CCND3: variants seen among roughly 807,000 people sequenced by gnomAD.
The protein encoded by CCND3 is cyclin D3, also known as G1/S-specific cyclin-D3.
Under a neutral mutation model 28.7 loss-of-function variants are expected in CCND3, and 9 were observed. That is an observed-to-expected ratio of 0.31 (90% CI 0.19 to 0.55). The LOEUF (loss-of-function observed/expected upper bound fraction) is 0.55. Ranked by LOEUF, CCND3 falls within the 20% of genes least tolerant of loss-of-function variation. The pLI, the probability that CCND3 is intolerant of heterozygous loss-of-function variation, is 0.93. For missense variants in CCND3, 315 were observed against 385.8 expected (o/e 0.82, Z 1.54); for synonymous variants, 164 against 163.9 (o/e 1.00, Z 0.00).
chr6:42,047,014 C>T (rs1312834535), intron 1 of CCND3, among the ~76,000 whole-genome samples: 1 of 152,176 alleles, frequency 6.6e-6, no homozygotes, highest in Non-Finnish European at 1.5e-5. Flanking sequence ...TGGAGAGAAT[C>T]CTAATGCCTA....
At chr6:42,012,654 G>A (rs993430869) in intron 1 of CCND3, among the ~76,000 whole-genome samples, 19 of 152,068 alleles carry the variant, frequency 1.2e-4, no homozygotes, top group Non-Finnish European at 2.4e-4. Flanking sequence ...GAGAACTTGT[G>A]ATTTCTACAT....
chr6:41,936,352 G>C lies in CCND3; in HGVS notation c.711+207C>G, dbSNP rs1775794495. The C allele has an allele frequency of 1.5e-6, 1 of 678,532 alleles. No individual in the cohort carries two copies. Among genetic ancestry groups the C allele is most frequent in the Non-Finnish European group, 2.4e-6 (1 of 412,322 alleles). The allele number at this position is 678,532 out of a possible 1,614,324, so 42.0% of individuals were successfully genotyped here. Reference sequence around the variant, plus strand: ...TCCAGCACACCACTTGGCAAGAAAAGAACCCCTAGGGCCAGTGCCCTTCAC... The same window carrying C: ...TCCAGCACACCACTTGGCAAGAAAACAACCCCTAGGGCCAGTGCCCTTCAC... On this transcript the variant is annotated intron_variant, in intron 4 of 4. Transcript: ENST00000372991. This position sits in a 1 kb window ranked among gnomAD's most constrained non-coding sequence, Gnocchi z 4.4.
At position 42,040,656 on chromosome 6, in the gene CCND3, A is replaced by G. The variant is rs371557105; in HGVS notation, c.-46+7845T>C. 6.7e-3 allele frequency among the ~76,000 whole-genome samples: 1,024 copies of G among 152,212 alleles called. 13 individuals are homozygous for G. The highest frequency in any genetic ancestry group is 0.023 in the African/African-American group (961 of 41,534). ...ATCACAAGGTCAGGAGTTCCAGACCAGACTGGCCAACATGGTGAAACCCAG... is the reference window on the plus strand; with the variant it reads ...ATCACAAGGTCAGGAGTTCCAGACCGGACTGGCCAACATGGTGAAACCCAG... On this transcript the variant is annotated intron_variant, in intron 1 of 4. Transcript: ENST00000372988.
intron 1 of CCND3, among the ~76,000 whole-genome samples, chr6:41,987,143 C>T (rs192783685): frequency 6.6e-6 from 1 of 151,982 alleles, no homozygotes; most frequent in Non-Finnish European, 1.5e-5. Flanking sequence ...TCTATTTTTA[C>T]AGTAGGAAGA....
chr6:41,960,620 T>C (rs1048235313), intron 1 of CCND3, among the ~76,000 whole-genome samples: 2 of 152,120 alleles, frequency 1.3e-5, no homozygotes, highest in African/African-American at 4.8e-5. Context: ...TCAGAGGGCA[T>C]GAAAAGTGCA....
intron 1 of CCND3, among the ~76,000 whole-genome samples, chr6:42,042,196 G>A (rs927164773): frequency 2.0e-5 from 3 of 152,194 alleles, no homozygotes; most frequent in Non-Finnish European, 4.4e-5. Context: ...TTTGGATCTA[G>A]ATGGCCCCAT....
chr6:41,964,500 G>A (rs769951869), intron 1 of CCND3, among the ~76,000 whole-genome samples: 8 of 71,316 alleles, frequency 1.1e-4, no homozygotes, highest in African/African-American at 1.6e-4. Flanking sequence ...GTGTGTGTGA[G>A]TGTGTGTGTG....
At chr6:42,029,250 T>C (rs937514639) in intron 1 of CCND3, among the ~76,000 whole-genome samples, 2 of 151,998 alleles carry the variant, frequency 1.3e-5, no homozygotes, top group African/African-American at 2.4e-5. Flanking sequence ...CTTTGCCTCC[T>C]AAAGTGTTGG....
chr6:42,034,625 G>A (rs962545253), intron 1 of CCND3, among the ~76,000 whole-genome samples: 7 of 151,530 alleles, frequency 4.6e-5, no homozygotes, highest in South Asian at 2.1e-4. Context: ...CTACAGGCTC[G>A]TGCCACCATG....
At position 42,027,609 on chromosome 6, in the gene CCND3, A is replaced by T. The variant is rs190868044; in HGVS notation, c.-46+20892T>A. 1.1e-3 allele frequency among the ~76,000 whole-genome samples: 162 copies of T among 152,086 alleles called. 1 individual carries two copies. The highest frequency in any genetic ancestry group is 3.6e-3 in the African/African-American group (148 of 41,490). ...AAACCACTGTACTCAGGCCAACCCAACCCATGGGGAAGGTGGTAAGGAGGG... is the reference window on the plus strand; with the variant it reads ...AAACCACTGTACTCAGGCCAACCCATCCCATGGGGAAGGTGGTAAGGAGGG... On this transcript the variant is annotated intron_variant, in intron 1 of 4. Coordinates refer to the CCND3 transcript ENST00000372988.
At chr6:41,971,357 A>G (rs1362431521) in intron 1 of CCND3, among the ~76,000 whole-genome samples, 1 of 152,122 alleles carries the variant, frequency 6.6e-6, no homozygotes, top group African/African-American at 2.4e-5. Flanking sequence ...TCCTGGGCTC[A>G]AGTGATCCTC....
At position 41,936,646 on chromosome 6, in the gene CCND3, A is replaced by G; in HGVS notation, c.624T>C (p.Ile208=). The change falls in exon 4 of 5, where the codon ATT becomes ATC. Residue 208 remains isoleucine, a synonymous_variant. Transcript: ENST00000372991. The surrounding 1 kb of genome is among the most constrained non-coding windows in gnomAD (Gnocchi z 4.4). ...YPPSMIATGS[I]GAAVQGLGAC... Reference sequence around the variant, plus strand: ...CACCCAGGCCTTGCACTGCAGCCCCAATGCTGCCCGTGGCGATCATGGATG... The same window carrying G: ...CACCCAGGCCTTGCACTGCAGCCCCGATGCTGCCCGTGGCGATCATGGATG... 6.2e-7 allele frequency: 1 copy of G among 1,614,106 alleles called. No individual in the cohort carries two copies.
chr6:41,979,635 CTCTCTCTCTA>C (rs1324490710), intron 1 of CCND3, among the ~76,000 whole-genome samples: 3 of 34,626 alleles, frequency 8.7e-5, no homozygotes, highest in African/African-American at 8.2e-5. Context: ...CTCTCTCTCT[CTCTCTCTCTA>C]TATATATATA....
chr6:41,935,619 G>GC lies in CCND3; in HGVS notation c.*320_*321insG, dbSNP rs1044621490. On this transcript the variant is annotated 3_prime_UTR_variant, in exon 5 of 5. Coordinates refer to ENST00000372991, the MANE Select transcript of CCND3 (RefSeq NM_001760.5). The stretch of plus-strand genomic sequence containing the variant: ...GAAAACATGAGAGCCCCCAGGGGTG[G>GC]GGGGGGGCGTTCAAAAGGAATGCTG... 10 of 470,278 alleles carry GC rather than the reference G, an allele frequency of 2.1e-5. No homozygotes were observed. The highest frequency in any genetic ancestry group is 4.8e-5 in the South Asian group (1 of 20,630). The allele number at this position is 470,278 out of a possible 1,614,324, so 29.1% of individuals were successfully genotyped here. A position where few individuals can be genotyped will look rare whatever the true frequency, so the allele number is the denominator to read the frequency against.
chr6:41,951,567 C>CAAA (rs1330384836), intron 1 of CCND3, among the ~76,000 whole-genome samples: 22 of 57,478 alleles, frequency 3.8e-4, no homozygotes, highest in African/African-American at 1.1e-3. Context: ...CACACACACA[C>CAAA]ACACACACAA....
chr6:41,947,251 C>G (rs1582095921), intron 1 of CCND3, among the ~76,000 whole-genome samples: 1 of 151,910 alleles, frequency 6.6e-6, no homozygotes, highest in African/African-American at 2.4e-5. Flanking sequence ...AAAGAAACAG[C>G]CTGGATGGGC....
chr6:41,969,832 A>G (rs1389859686), intron 1 of CCND3, among the ~76,000 whole-genome samples: 3 of 152,178 alleles, frequency 2.0e-5, no homozygotes, highest in African/African-American at 7.2e-5. Context: ...CTTAAATCAC[A>G]GATCTACCAC....
chr6:42,010,969 C>T (rs1329525820), intron 1 of CCND3: 2 of 152,076 alleles, frequency 1.3e-5, no homozygotes, highest in Non-Finnish European at 2.9e-5. Flanking sequence ...GTCTGTCCTC[C>T]ATAGAAACAC....
At chr6:41,984,502 A>G (rs921067107) in intron 1 of CCND3, among the ~76,000 whole-genome samples, 8 of 152,028 alleles carry the variant, frequency 5.3e-5, no homozygotes, top group African/African-American at 1.9e-4. Flanking sequence ...GCCTGCCACT[A>G]CACCCGGCTA....
Sources: allele counts gnomAD v4.1 joint callset (sites outside exome capture counted in the v4.1 genomes callset), GRCh38; gene constraint gnomAD v4.1.1; non-coding constraint Gnocchi (gnomAD v3.1); transcripts MANE v1.5; gene names NCBI Gene and HGNC (gene_info 2026-07-23, HGNC 2026-07-21).